Variants in NDC1 observed in about 807,000 individuals in gnomAD.
NDC1 encodes the protein nucleoporin NDC1.
A neutral mutation model predicts 89.8 loss-of-function variants in NDC1; 24 were observed. The ratio of observed to expected loss-of-function variants is 0.27; its 90% CI spans 0.19 to 0.38. NDC1 has a LOEUF of 0.38. Among genes scored for constraint, NDC1 ranks in the 10% least tolerant of loss-of-function variants. The pLI is 1.00. For missense variants in NDC1, 728 were observed against 797.6 expected (o/e 0.91, Z 1.05); for synonymous variants, 296 against 284.8 (o/e 1.04, Z -0.39).
At chr1:53,834,745 G>A (rs1649173248) in intron 2 of NDC1, among the ~76,000 whole-genome samples, 1 of 152,108 alleles carries the variant, frequency 6.6e-6, no homozygotes, top group African/African-American at 2.4e-5. Flanking sequence ...GCAATAATGG[G>A]TAGTTATTAA....
intron 10 of NDC1, among the ~76,000 whole-genome samples, chr1:53,801,949 G>A (rs1227660072): frequency 6.6e-6 from 1 of 151,968 alleles, no homozygotes; most frequent in African/African-American, 2.4e-5. Context: ...TAGAGACAGG[G>A]TTTCACCATG....
intron 16 of NDC1, among the ~76,000 whole-genome samples, chr1:53,772,956 C>A (rs1391807703): frequency 6.6e-6 from 1 of 151,850 alleles, no homozygotes; most frequent in South Asian, 2.1e-4. Flanking sequence ...TTACCAGGCC[C>A]CCCCCAAAAT....
chr1:53,786,599 T>C (rs1208287520), intron 16 of NDC1, among the ~76,000 whole-genome samples: 3 of 152,254 alleles, frequency 2.0e-5, no homozygotes, highest in Non-Finnish European at 4.4e-5. Context: ...ATGTGTTTAA[T>C]ACCAGGGGCA....
chr1:53,796,121 A>G (rs1465385124), intron 13 of NDC1, among the ~76,000 whole-genome samples: 8 of 152,296 alleles, frequency 5.3e-5, no homozygotes, highest in African/African-American at 1.9e-4. Flanking sequence ...ATCACTCCAC[A>G]TAAAATGATA....
chr1:53,802,193 T>C (rs1048437455), intron 10 of NDC1, among the ~76,000 whole-genome samples: 22 of 152,316 alleles, frequency 1.4e-4, no homozygotes, highest in African/African-American at 4.8e-4. Flanking sequence ...ATAGTTAATT[T>C]TCCACAGTAT....
chr1:53,797,499 C>A (rs1322347236), intron 11 of NDC1, among the ~76,000 whole-genome samples: 1 of 152,172 alleles, frequency 6.6e-6, no homozygotes, highest in Non-Finnish European at 1.5e-5. Flanking sequence ...TAGAATCTAT[C>A]CAGTTTTACT....
chr1:53,823,698 T>C (rs1648746632), intron 5 of NDC1, among the ~76,000 whole-genome samples: 1 of 152,240 alleles, frequency 6.6e-6, no homozygotes, highest in Admixed American at 6.5e-5. Flanking sequence ...GACATTTCTA[T>C]ATAAGATTTT....
intron 3 of NDC1, among the ~76,000 whole-genome samples, chr1:53,831,269 A>G: frequency 6.6e-6 from 1 of 152,188 alleles, no homozygotes; most frequent in East Asian, 1.9e-4. Flanking sequence ...CAGAATATTC[A>G]TATAATCAAT....
chr1:53,766,249 C>T lies in NDC1; in HGVS notation c.*1721G>A, dbSNP rs1464361845. On this transcript the variant is annotated 3_prime_UTR_variant, in exon 18 of 18. Transcript: ENST00000371429. ...CATCCTATCTTTATTCTCAGAAATCCAATGTTGAATATCACAGTTCTTCTT... is the reference window on the plus strand; with the variant it reads ...CATCCTATCTTTATTCTCAGAAATCTAATGTTGAATATCACAGTTCTTCTT... 1 of 152,136 alleles carries T rather than the reference C, an allele frequency of 6.6e-6. No individual in the cohort carries two copies. Among genetic ancestry groups the T allele is most frequent in the Non-Finnish European group, 1.5e-5 (1 of 68,022 alleles). The allele number at this position is 152,136 out of a possible 1,614,324, so 9.4% of individuals were successfully genotyped here. A position where few individuals can be genotyped will look rare whatever the true frequency, so the allele number is the denominator to read the frequency against.
At chr1:53,834,979 G>A (rs546240981) in intron 2 of NDC1, among the ~76,000 whole-genome samples, 148 of 121,360 alleles carry the variant, frequency 1.2e-3, no homozygotes, top group African/African-American at 6.8e-3. Flanking sequence ...GTGGTGGCGC[G>A]TGCTGAGGCA....
At chr1:53,797,671 C>G (rs1432019780) in intron 11 of NDC1, among the ~76,000 whole-genome samples, 3 of 152,178 alleles carry the variant, frequency 2.0e-5, no homozygotes, top group African/African-American at 4.8e-5. Flanking sequence ...GCTCTGTAGC[C>G]CAGATTGGAG....
intron 13 of NDC1, among the ~76,000 whole-genome samples, chr1:53,795,388 T>C (rs1317377748): frequency 2.6e-5 from 4 of 152,208 alleles, no homozygotes; most frequent in East Asian, 1.9e-4. Context: ...TACCGCTATA[T>C]GCCTAATTTC....
At chr1:53,822,155 C>A (rs180825617) in intron 5 of NDC1, among the ~76,000 whole-genome samples, 1 of 152,198 alleles carries the variant, frequency 6.6e-6, no homozygotes, top group East Asian at 1.9e-4. Context: ...ATTAGTAGAT[C>A]TTTAAAAAGC....
chr1:53,772,019 C>T (rs1162879188), intron 17 of NDC1, among the ~76,000 whole-genome samples: 1 of 152,014 alleles, frequency 6.6e-6, no homozygotes, highest in East Asian at 1.9e-4. Context: ...TGGAAAGGTA[C>T]TCGGGTTTTC....
chr1:53,835,019 G>A (rs1372481719), intron 2 of NDC1, among the ~76,000 whole-genome samples: 1 of 146,398 alleles, frequency 6.8e-6, no homozygotes, highest in Non-Finnish European at 1.5e-5. Context: ...GGAAGCAGAG[G>A]TTGCAGTGAG....
chr1:53,773,394 A>G (rs144497313), intron 16 of NDC1, among the ~76,000 whole-genome samples: 155 of 152,288 alleles, frequency 1.0e-3, no homozygotes, highest in African/African-American at 3.6e-3. Context: ...TTTTTGTTTC[A>G]AAGATGCAAT....
intron 10 of NDC1, among the ~76,000 whole-genome samples, chr1:53,803,565 GTTAA>G (rs112960065): frequency 1.3e-5 from 2 of 149,594 alleles, no homozygotes; most frequent in African/African-American, 5.1e-5. Flanking sequence ...AAAACTTTAA[GTTAA>G]TTAATTTTTT....
At chr1:53,794,346 A>C (rs542545780) in intron 13 of NDC1, among the ~76,000 whole-genome samples, 2 of 152,266 alleles carry the variant, frequency 1.3e-5, no homozygotes, top group African/African-American at 2.4e-5. Flanking sequence ...AGCTAACCCA[A>C]CTAACTTAAA....
intron 16 of NDC1, among the ~76,000 whole-genome samples, chr1:53,785,800 T>C (rs745553048): frequency 1.3e-5 from 2 of 152,186 alleles, no homozygotes; most frequent in Non-Finnish European, 2.9e-5. Flanking sequence ...TCTCTTCATA[T>C]CTTAAATGGT....
Sources: gnomAD v4.1 joint callset for allele counts (sites outside exome capture counted in the v4.1 genomes callset) on GRCh38, gnomAD v4.1.1 for gene constraint, MANE v1.5 for transcripts, NCBI Gene and HGNC (gene_info 2026-07-23, HGNC 2026-07-21) for gene names.